Variants in PRKG1 observed in about 807,000 individuals in gnomAD.
PRKG1 encodes protein kinase cGMP-dependent 1.
PRKG1 carries 35 observed loss-of-function variants against 88.1 expected under a neutral mutation model. The ratio of observed to expected loss-of-function variants is 0.40; its 90% CI spans 0.30 to 0.53. The LOEUF (loss-of-function observed/expected upper bound fraction) is 0.53, where lower values mean the gene tolerates loss of function less well. PRKG1 is among the 20% of genes least tolerant of loss of function. PRKG1 has a pLI of 0.59. For missense variants in PRKG1, 540 were observed against 839.8 expected, an observed-to-expected ratio of 0.64 and a Z score of 4.41; for synonymous variants, 303 against 292.5, an observed-to-expected ratio of 1.04 and a Z score of -0.37.
intron 2 of PRKG1, among the ~76,000 whole-genome samples, chr10:51,169,447 A>G (rs939627201): frequency 3.9e-5 from 6 of 152,036 alleles, no homozygotes; most frequent in African/African-American, 1.4e-4. Context: ...CACCATTAGC[A>G]TTTTCTTGGG....
chr10:51,572,100 AT>A (rs951232235), intron 3 of PRKG1, among the ~76,000 whole-genome samples: 7 of 151,792 alleles, frequency 4.6e-5, no homozygotes, highest in African/African-American at 1.2e-4. Flanking sequence ...TAAAATTAAA[AT>A]TTTTTCAAAA....
chr10:51,117,870 A>G (rs983503189), intron 1 of PRKG1, among the ~76,000 whole-genome samples: 13 of 152,328 alleles, frequency 8.5e-5, no homozygotes, highest in Middle Eastern at 3.4e-3. Context: ...TTCTATGTTT[A>G]AAAATGAGTC....
At chr10:51,229,948 A>AG (rs1385561038) in intron 2 of PRKG1, among the ~76,000 whole-genome samples, 2 of 149,924 alleles carry the variant, frequency 1.3e-5, no homozygotes, top group African/African-American at 4.9e-5. Flanking sequence ...AAAAAAAAAA[A>AG]GAAAAAGAAA....
chr10:51,325,913 C>G (rs1247879862), intron 2 of PRKG1, among the ~76,000 whole-genome samples: 1 of 152,118 alleles, frequency 6.6e-6, no homozygotes, highest in Non-Finnish European at 1.5e-5. Flanking sequence ...ATGCACCAGC[C>G]TGAGCCAAGG....
At chr10:51,279,853 G>A (rs1030002443) in intron 2 of PRKG1, among the ~76,000 whole-genome samples, 11 of 152,206 alleles carry the variant, frequency 7.2e-5, no homozygotes, top group African/African-American at 2.6e-4. Context: ...TCTTTTAATT[G>A]GAGCATTTAG....
At chr10:51,937,828 A>G (rs936377528) in intron 5 of PRKG1, among the ~76,000 whole-genome samples, 1 of 152,028 alleles carries the variant, frequency 6.6e-6, no homozygotes, top group Non-Finnish European at 1.5e-5. Flanking sequence ...GCCCGAAAAT[A>G]TTAAATGGAA....
chr10:52,226,173 T>C (rs1167681067), intron 9 of PRKG1, among the ~76,000 whole-genome samples: 2 of 152,096 alleles, frequency 1.3e-5, no homozygotes, highest in Non-Finnish European at 2.9e-5. Flanking sequence ...GCTGAAAACA[T>C]AGACAATTTG....
At chr10:52,024,481 TC>T (rs1250213854) in intron 5 of PRKG1, among the ~76,000 whole-genome samples, 3 of 151,860 alleles carry the variant, frequency 2.0e-5, no homozygotes, top group Non-Finnish European at 2.9e-5. Context: ...CCTCCCCCAT[TC>T]CCCCACCCCA....
At chr10:51,737,728 TATTTATTTATTA>T (rs1003794514) in intron 3 of PRKG1, among the ~76,000 whole-genome samples, 19 of 111,532 alleles carry the variant, frequency 1.7e-4, no homozygotes, top group South Asian at 1.2e-3. Context: ...TTTATTTATT[TATTTATTTATTA>T]ATTATTATTA....
chr10:51,584,859 C>G (rs1838131873), intron 3 of PRKG1, among the ~76,000 whole-genome samples: 1 of 152,006 alleles, frequency 6.6e-6, no homozygotes, highest in African/African-American at 2.4e-5. Context: ...ATCATATAAC[C>G]TACCAGTTAA....
chr10:51,248,051 A>C (rs932964285), intron 2 of PRKG1, among the ~76,000 whole-genome samples: 1 of 151,922 alleles, frequency 6.6e-6, no homozygotes, highest in Non-Finnish European at 1.5e-5. Flanking sequence ...TTAAACAACA[A>C]TCGTAAAAGG....
chr10:51,550,247 T>C (rs535076127), intron 3 of PRKG1, among the ~76,000 whole-genome samples: 11 of 152,060 alleles, frequency 7.2e-5, no homozygotes, highest in Non-Finnish European at 1.3e-4. Context: ...CATGCCCCAA[T>C]TGTAGTTAGA....
rs553608826 is a variant in PRKG1, at chr10:52,062,528, T to C, written c.841-9T>C. On this transcript the variant is annotated splice_polypyrimidine_tract_variant and intron_variant, in intron 6 of 17. Transcript: ENST00000373980. ...AGTGGATCTAAACTTTCATTGTTTC[T>C]CTTTGCAGGTAAATGTCACTCGTGA... The C allele has an allele frequency of 1.3e-5, 20 of 1,549,150 alleles. No individual in the cohort carries two copies. The highest frequency in any genetic ancestry group is 1.7e-5 in the Non-Finnish European group (19 of 1,144,398).
intron 4 of PRKG1, among the ~76,000 whole-genome samples, chr10:51,820,678 A>G (rs1377269836): frequency 1.3e-5 from 2 of 152,170 alleles, no homozygotes; most frequent in Non-Finnish European, 1.5e-5. Context: ...ATGATCCTGG[A>G]GGAAAGCGAG....
intron 1 of PRKG1, among the ~76,000 whole-genome samples, chr10:51,028,677 C>T (rs971807876): frequency 2.0e-5 from 3 of 152,010 alleles, no homozygotes; most frequent in African/African-American, 7.2e-5. Flanking sequence ...GAGTTCAAGC[C>T]AAGGATGGAT....
At chr10:51,906,883 T>G (rs1842097461) in intron 4 of PRKG1, among the ~76,000 whole-genome samples, 1 of 152,212 alleles carries the variant, frequency 6.6e-6, no homozygotes, top group Non-Finnish European at 1.5e-5. Flanking sequence ...TTTCAGGGTA[T>G]GCTATCTGTC....
At chr10:51,887,087 G>A (rs1194117317) in intron 4 of PRKG1, among the ~76,000 whole-genome samples, 1 of 152,130 alleles carries the variant, frequency 6.6e-6, no homozygotes, top group East Asian at 1.9e-4. Context: ...CTGGGCTCAC[G>A]TGATTCTCAT....
At chr10:52,163,247 G>A (rs1337034483) in intron 9 of PRKG1, among the ~76,000 whole-genome samples, 1 of 149,444 alleles carries the variant, frequency 6.7e-6, no homozygotes, top group Non-Finnish European at 1.5e-5. Context: ...GTGTGTGTGT[G>A]TATTCAGTTA....
Position 51,635,382 on chromosome 10 carries a change from C to CT in PRKG1, c.592+167552dup, listed in dbSNP as rs1198875474. ...GTAAATATAAGCTAATAAAAGTGTC[C>CT]TTTTTTATATTAAAACATGTATTCA... On this transcript the variant is annotated intron_variant, in intron 3 of 17. Coordinates refer to ENST00000373980, the MANE Select transcript of PRKG1 (RefSeq NM_006258.4). Among the ~76,000 whole-genome samples the CT allele has an allele frequency of 4.0e-5, 6 of 151,268 alleles. No individual in the cohort carries two copies. The East Asian group carries it at 9.7e-4, about 24-fold the overall frequency.
Sources: gnomAD v4.1 joint callset for allele counts (sites outside exome capture counted in the v4.1 genomes callset) on GRCh38, gnomAD v4.1.1 for gene constraint, MANE v1.5 for transcripts, NCBI Gene and HGNC (gene_info 2026-07-23, HGNC 2026-07-21) for gene names.